Variants in PKN2 observed in about 807,000 individuals in gnomAD.
PKN2 encodes the protein protein kinase N2, also known as serine/threonine-protein kinase N2.
A neutral mutation model predicts 119.1 loss-of-function variants in PKN2; 38 were observed. The ratio of observed to expected loss-of-function variants is 0.32; its 90% CI spans 0.25 to 0.42. The LOEUF (loss-of-function observed/expected upper bound fraction) is 0.42. Ranked by LOEUF, PKN2 falls within the 10% of genes least tolerant of loss-of-function variation. The probability of loss-of-function intolerance (pLI) is 1.00; values close to 1 mark genes in which losing one functional copy is unlikely to be tolerated. For synonymous variants in PKN2, 390 were observed against 384.9 expected (o/e 1.01, Z -0.15); for missense variants, 850 against 1,165.1 (o/e 0.73, Z 3.94).
Position 88,807,794 on chromosome 1 carries a change from A to C in PKN2, c.2102+19A>C, listed in dbSNP as rs760311083. 4 of 1,395,020 alleles carry C rather than the reference A, an allele frequency of 2.9e-6. No homozygotes were observed. In the African/African-American group the frequency reaches 5.8e-5, roughly 20 times the overall value. The allele number at this position is 1,395,020 out of a possible 1,614,324, so 86.4% of individuals were successfully genotyped here. ...TAGACAGGTTAGTTTTTAAAAATGA[A>C]ATTGTTTATTTTTCTGAATTTGTAA... On this transcript the variant is annotated intron_variant, in intron 15 of 21. Transcript: ENST00000370521.
intron 10 of PKN2, 73 bp downstream of exon 10, chr1:88,804,994 T>C: frequency 2.8e-6 from 2 of 708,894 alleles, no homozygotes; most frequent in Non-Finnish European, 4.8e-6. Context: ...TAAAAAGTAA[T>C]AGCCATCTGT....
At chr1:88,740,935 T>G (rs536916333) in intron 1 of PKN2, 53 bp from the exon 2 acceptor site, 12 of 1,190,976 alleles carry the variant, frequency 1.0e-5, no homozygotes, top group Middle Eastern at 2.0e-4. Flanking sequence ...GCATATTTAC[T>G]GAGCAGCCAA....
At chr1:88,746,225 A>C (rs980133742) in intron 2 of PKN2, among the ~76,000 whole-genome samples, 1 of 152,152 alleles carries the variant, frequency 6.6e-6, no homozygotes, top group Non-Finnish European at 1.5e-5. Context: ...CTAGGCAGTG[A>C]TTTCTTGGAT....
intron 2 of PKN2, among the ~76,000 whole-genome samples, chr1:88,749,475 G>A (rs1339548073): frequency 6.6e-6 from 1 of 151,316 alleles, no homozygotes; most frequent in Non-Finnish European, 1.5e-5. Context: ...TATTAAGAAA[G>A]CTTAAACCAG....
At chr1:88,729,854 A>AT (rs1668065058) in intron 1 of PKN2, among the ~76,000 whole-genome samples, 1 of 150,806 alleles carries the variant, frequency 6.6e-6, no homozygotes, top group Non-Finnish European at 1.5e-5. Flanking sequence ...AGGTCAGACT[A>AT]TATCATTTCT....
In PKN2 at chr1:88,684,507, C is replaced by T. The variant is rs1324471159; in HGVS notation, c.-74C>T. On this transcript the variant is annotated 5_prime_UTR_variant, in exon 1 of 22. Transcript: ENST00000370521. ...TTTCTCTCCCCTCTCCTCACCCCCACCCCGAGCCCCGTCCCGCCTTCTCCC... is the reference window on the plus strand; with the variant it reads ...TTTCTCTCCCCTCTCCTCACCCCCATCCCGAGCCCCGTCCCGCCTTCTCCC... 4 of 1,334,172 alleles carry T rather than the reference C, an allele frequency of 3.0e-6. No homozygotes were observed. The highest frequency in any genetic ancestry group is 4.1e-6 in the Non-Finnish European group (4 of 964,538). 82.6% of individuals were successfully genotyped at this position (1,334,172 alleles called of 1,614,324 possible).
chr1:88,684,349 C>G lies in PKN2; in HGVS notation c.-232C>G. 2.1e-6 allele frequency: 1 copy of G among 467,586 alleles called. No homozygotes were observed. Among genetic ancestry groups the G allele is most frequent in the South Asian group, 3.1e-5 (1 of 31,758 alleles). 29.0% of individuals were successfully genotyped at this position (467,586 alleles called of 1,614,324 possible). A position where few individuals can be genotyped will look rare whatever the true frequency, so the allele number is the denominator to read the frequency against. On this transcript the variant is annotated 5_prime_UTR_variant, in exon 1 of 22. Transcript: ENST00000370521. ...AGAGGGAGCGACTAGACGAACAGTC[C>G]GGTGAGGGCGGCGAGAGGAAGCCCG...
intron 6 of PKN2, among the ~76,000 whole-genome samples, chr1:88,778,744 C>T (rs1285581226): frequency 2.6e-5 from 4 of 151,376 alleles, no homozygotes; most frequent in African/African-American, 4.9e-5. Context: ...GACAGAGTCT[C>T]GCTCTGTTGC....
intron 6 of PKN2, among the ~76,000 whole-genome samples, chr1:88,775,697 C>T (rs1470868662): frequency 6.6e-6 from 1 of 152,102 alleles, no homozygotes; most frequent in African/African-American, 2.4e-5. Flanking sequence ...GTTATATTGT[C>T]ACAAACTCTC....
intron 1 of PKN2, among the ~76,000 whole-genome samples, chr1:88,717,906 T>C (rs1667520832): frequency 6.6e-6 from 1 of 152,194 alleles, no homozygotes; most frequent in Non-Finnish European, 1.5e-5. Context: ...GCTTTTCTGC[T>C]CTGGTTTCTC....
chr1:88,774,814 TCCTCCTGCCTCAA>T (rs1186602440), intron 6 of PKN2, among the ~76,000 whole-genome samples: 5 of 151,756 alleles, frequency 3.3e-5, no homozygotes, highest in African/African-American at 9.7e-5. Context: ...GCTCAAGCAA[TCCTCCTGCCTCAA>T]CCTCCTGAGT....
chr1:88,739,954 A>G (rs1457132210), intron 1 of PKN2, among the ~76,000 whole-genome samples: 1 of 152,158 alleles, frequency 6.6e-6, no homozygotes, highest in East Asian at 1.9e-4. Context: ...GGCCATTCAT[A>G]TCTGTGGATT....
chr1:88,740,207 A>G (rs1253685631), intron 1 of PKN2, among the ~76,000 whole-genome samples: 1 of 152,076 alleles, frequency 6.6e-6, no homozygotes, highest in Admixed American at 6.6e-5. Context: ...CCAACCTCCC[A>G]CACATACCAA....
rs888918037 is a variant in PKN2 at position 88,701,214 on chromosome 1, C to T, written c.48+16586C>T. ...ATCCCAGTACTTTGGGAGGCTGAGG[C>T]GGGTGGATCACCTGAGGTCAGGAGT... On this transcript the variant is annotated intron_variant, in intron 1 of 21. Coordinates refer to ENST00000370521, the MANE Select transcript of PKN2 (RefSeq NM_006256.4). Among the ~76,000 whole-genome samples the T allele has an allele frequency of 2.6e-5, 4 of 152,214 alleles. No individual in the cohort carries two copies. The East Asian group carries it at 5.8e-4, about 22-fold the overall frequency.
intron 3 of PKN2, among the ~76,000 whole-genome samples, chr1:88,765,276 T>C (rs1669619475): frequency 1.0e-5 from 1 of 100,068 alleles, no homozygotes; most frequent in African/African-American, 4.2e-5. Flanking sequence ...TTTTGAGACT[T>C]CATCTCAAAA....
At position 88,684,547 on chromosome 1, in the gene PKN2, C is replaced by G. The variant is rs1665990853; in HGVS notation, c.-34C>G. On this transcript the variant is annotated 5_prime_UTR_variant, in exon 1 of 22. Transcript: ENST00000370521. ...CGCCTTCTCCCTTCGCCAGAGGCGG[C>G]CGCGTCCAGGTGCGGAGTCCATACC... 6.5e-7 allele frequency: 1 copy of G among 1,532,918 alleles called. No individual in the cohort carries two copies. Among genetic ancestry groups the G allele is most frequent in the Non-Finnish European group, 8.8e-7 (1 of 1,139,118 alleles). 95.0% of individuals were successfully genotyped at this position (1,532,918 alleles called of 1,614,324 possible).
intron 4 of PKN2, among the ~76,000 whole-genome samples, chr1:88,770,837 G>A (rs1669864521): frequency 1.3e-5 from 2 of 150,300 alleles, no homozygotes; most frequent in South Asian, 2.1e-4. Flanking sequence ...CGCCCGCCTC[G>A]GCCCCCCAAA....
intron 1 of PKN2, among the ~76,000 whole-genome samples, chr1:88,713,120 C>T (rs1667303938): frequency 6.6e-6 from 1 of 152,198 alleles, no homozygotes; most frequent in African/African-American, 2.4e-5. Flanking sequence ...TTTTTTATGG[C>T]TGTATAGTAT....
Position 88,828,601 on chromosome 1 carries a change from T to C in PKN2, c.2540T>C (p.Ile847Thr). 1 of 1,612,694 alleles carries C rather than the reference T, an allele frequency of 6.2e-7. No homozygotes were observed. Among genetic ancestry groups the C allele is most frequent in the Non-Finnish European group, 8.5e-7 (1 of 1,178,948 alleles). Reference protein sequence around the residue: ...AVDWWGLGVLIYEMLVGESPF... With the variant: ...AVDWWGLGVLTYEMLVGESPF... ...GATTGGTGGGGCCTTGGCGTGCTTA[T>C]ATATGAAATGCTTGTTGGTGAGGTA... The change falls in exon 19 of 22, where the codon ATA (isoleucine) becomes ACA (threonine). Residue 847 changes from isoleucine (I) to threonine (T), a missense_variant. Physicochemically the swap from Ile to Thr is moderately conservative, Grantham distance 89. Coordinates refer to ENST00000370521, the MANE Select transcript of PKN2 (RefSeq NM_006256.4).
Sources: gnomAD v4.1 joint callset for allele counts (sites outside exome capture counted in the v4.1 genomes callset) on GRCh38, gnomAD v4.1.1 for gene constraint, MANE v1.5 for transcripts, NCBI Gene and HGNC (gene_info 2026-07-23, HGNC 2026-07-21) for gene names.